Variants in KLRD1 observed in about 807,000 individuals in gnomAD.
KLRD1 encodes killer cell lectin like receptor D1.
Under a neutral mutation model 22.6 loss-of-function variants are expected in KLRD1, and 21 were observed. That is an observed-to-expected ratio of 0.93 (90% CI 0.66 to 1.34). The LOEUF (loss-of-function observed/expected upper bound fraction) is 1.34. Among genes scored for constraint, KLRD1 ranks in the 40% most tolerant of loss-of-function variants. The probability of loss-of-function intolerance (pLI) is 0.00; values close to 1 mark genes in which losing one functional copy is unlikely to be tolerated. For missense variants in KLRD1, 183 were observed against 208.6 expected, an observed-to-expected ratio of 0.88 and a Z score of 0.76; for synonymous variants, 59 against 71.1, an observed-to-expected ratio of 0.83 and a Z score of 0.85.
chr12:10,281,870 G>A (rs957079854), intron 1 of KLRD1, among the ~76,000 whole-genome samples: 1 of 152,140 alleles, frequency 6.6e-6, no homozygotes, highest in Admixed American at 6.5e-5. Context: ...CCAATTTAGA[G>A]GGAAATTGAG....
In KLRD1 at chr12:10,314,741, A is replaced by T; in HGVS notation, c.488A>T (p.Asp163Val). Residue 163 changes from aspartate (D) to valine (V), a missense_variant, in exon 6 of 6, where the codon GAT (aspartate) becomes GTT (valine). By Grantham distance (152) the Asp-to-Val change is radical. Transcript: ENST00000336164. ...IAYNPNGNAL[D>V]ESCEDKNRYI... Reference sequence around the variant, plus strand: ...TATAATCCAAATGGAAATGCTTTAGATGAATCCTGTGAAGATAAAAATCGT... The same window carrying T: ...TATAATCCAAATGGAAATGCTTTAGTTGAATCCTGTGAAGATAAAAATCGT... 6.2e-7 allele frequency: 1 copy of T among 1,604,248 alleles called. No homozygotes were observed. The highest frequency in any genetic ancestry group is 8.5e-7 in the Non-Finnish European group (1 of 1,175,288).
At chr12:10,241,357 G>C (rs1346513406) in intron 1 of KLRD1, among the ~76,000 whole-genome samples, 1 of 152,062 alleles carries the variant, frequency 6.6e-6, no homozygotes, top group African/African-American at 2.4e-5. Flanking sequence ...GGAGGGGAGC[G>C]ATTTTTTACT....
intron 1 of KLRD1, among the ~76,000 whole-genome samples, chr12:10,264,552 C>G (rs1023772208): frequency 1.3e-5 from 2 of 151,944 alleles, no homozygotes; most frequent in Non-Finnish European, 2.9e-5. Flanking sequence ...TATTTTCCAG[C>G]TTTATTTAAG....
chr12:10,316,615 C>G lies in KLRD1; in HGVS notation c.*1822C>G, dbSNP rs564790927. 6.6e-6 allele frequency: 1 copy of G among 152,212 alleles called. No individual in the cohort carries two copies. The highest frequency in any genetic ancestry group is 2.1e-4 in the South Asian group (1 of 4,812). 9.4% of individuals were successfully genotyped at this position (152,212 alleles called of 1,614,324 possible). A position where few individuals can be genotyped will look rare whatever the true frequency, so the allele number is the denominator to read the frequency against. ...ATGGGGTTTTGTATTGTTGCCCAGGCTGATCTTGAACTCCTGGGGTCAAGG... is the reference window on the plus strand; with the variant it reads ...ATGGGGTTTTGTATTGTTGCCCAGGGTGATCTTGAACTCCTGGGGTCAAGG... On this transcript the variant is annotated 3_prime_UTR_variant, in exon 6 of 6. Transcript: ENST00000336164.
At chr12:10,242,539 G>A (rs1044825398) in intron 1 of KLRD1, among the ~76,000 whole-genome samples, 2 of 152,108 alleles carry the variant, frequency 1.3e-5, no homozygotes, top group Non-Finnish European at 2.9e-5. Flanking sequence ...ATTTCAATTC[G>A]TTTGGATGTA....
rs775456150 is a variant in KLRD1, at chr12:10,256,758, A to T, written c.-101+30525A>T. Reference sequence around the variant, plus strand: ...CACCAAAATCTTAATGATGTTGGGCATTATATTTCGCTGATGCATTTATCT... The same window carrying T: ...CACCAAAATCTTAATGATGTTGGGCTTTATATTTCGCTGATGCATTTATCT... On this transcript the variant is annotated intron_variant, in intron 1 of 5. Coordinates refer to the KLRD1 transcript ENST00000544747. Among the ~76,000 whole-genome samples the T allele has an allele frequency of 7.2e-5, 11 of 152,146 alleles. No individual in the cohort carries two copies. The Middle Eastern group carries it at 0.01, about 141-fold the overall frequency.
upstream of KLRD1, among the ~76,000 whole-genome samples, chr12:10,304,013 T>C (rs11053735): frequency 0.021 from 3,180 of 152,318 alleles, 60 homozygotes; most frequent in Admixed American, 0.039. Flanking sequence ...TATTTCTCAT[T>C]ATCTATGTGG....
chr12:10,325,181 C>T lies in KLRD1; in HGVS notation c.*10388C>T, dbSNP rs1373833323. On this transcript the variant is annotated 3_prime_UTR_variant, in exon 6 of 6. Transcript: ENST00000336164. ...CTTTACTAGGTTGAGAAAGTTCCCT[C>T]CTATTCCTAGTCTGATGAGAATTTT... is the stretch of plus-strand genomic sequence containing the variant. 1 of 152,006 alleles carries T rather than the reference C, an allele frequency of 6.6e-6. No individual in the cohort carries two copies. The highest frequency in any genetic ancestry group is 1.9e-4 in the East Asian group (1 of 5,184). 9.4% of individuals were successfully genotyped at this position (152,006 alleles called of 1,614,324 possible).
intron 1 of KLRD1, among the ~76,000 whole-genome samples, chr12:10,284,297 A>G (rs1949678972): frequency 2.0e-5 from 3 of 152,098 alleles, no homozygotes; most frequent in Non-Finnish European, 2.9e-5. Flanking sequence ...TTACTATAAC[A>G]TGTGTGTAAA....
intron 1 of KLRD1, among the ~76,000 whole-genome samples, chr12:10,258,287 T>C (rs1221285496): frequency 1.3e-5 from 2 of 152,176 alleles, no homozygotes; most frequent in Non-Finnish European, 2.9e-5. Flanking sequence ...AGTGGCACCA[T>C]GCACTATCCC....
At chr12:10,267,418 TA>T (rs960457726) in intron 1 of KLRD1, among the ~76,000 whole-genome samples, 48 of 152,216 alleles carry the variant, frequency 3.2e-4, no homozygotes, top group Admixed American at 1.5e-3. Context: ...GTTTATTTAA[TA>T]AAAAAATTTC....
chr12:10,273,532 T>C (rs752000803), intron 1 of KLRD1, among the ~76,000 whole-genome samples: 1 of 152,226 alleles, frequency 6.6e-6, no homozygotes, highest in Non-Finnish European at 1.5e-5. Flanking sequence ...TATAGTCTAA[T>C]GTATGCTCTG....
chr12:10,262,251 CA>C (rs1326555568), intron 1 of KLRD1, among the ~76,000 whole-genome samples: 1 of 151,940 alleles, frequency 6.6e-6, no homozygotes, highest in African/African-American at 2.4e-5. Flanking sequence ...GACTGGAGCT[CA>C]ATGCTTCAGA....
At chr12:10,270,140 AAACC>A (rs1949536655) in intron 1 of KLRD1, among the ~76,000 whole-genome samples, 2 of 152,206 alleles carry the variant, frequency 1.3e-5, no homozygotes, top group African/African-American at 4.8e-5. Flanking sequence ...CGTTTCTATC[AAACC>A]ACTCAGCTAT....
intron 1 of KLRD1, among the ~76,000 whole-genome samples, chr12:10,280,541 G>C (rs567831586): frequency 1.3e-5 from 2 of 152,094 alleles, no homozygotes; most frequent in East Asian, 3.8e-4. Context: ...GTGCTCCATC[G>C]TTGAGTATCA....
intron 1 of KLRD1, among the ~76,000 whole-genome samples, chr12:10,247,967 T>C (rs895516119): frequency 6.6e-6 from 1 of 152,198 alleles, no homozygotes; most frequent in Non-Finnish European, 1.5e-5. Context: ...TACGGACTAA[T>C]ACATATTGTT....
rs1416669553 is a variant in KLRD1, at chr12:10,309,481, G to T, written c.100+1G>T. 1.2e-5 allele frequency: 17 copies of T among 1,462,642 alleles called. No homozygotes were observed. Among genetic ancestry groups the T allele is most frequent in the African/African-American group, 9.7e-5 (7 of 72,226 alleles). The allele number at this position is 1,462,642 out of a possible 1,614,324, so 90.6% of individuals were successfully genotyped here. A position where few individuals can be genotyped will look rare whatever the true frequency, so the allele number is the denominator to read the frequency against. On this transcript the variant is annotated splice_donor_variant, in intron 2 of 5. Transcript: ENST00000336164. LOFTEE classifies it high-confidence loss of function. Reference sequence around the variant, plus strand: ...ACGTTGGGAATTTTGTTGAAAAATTGTAAGTTTTTCTAAGCAAGTCTCCAT... The same window carrying T: ...ACGTTGGGAATTTTGTTGAAAAATTTTAAGTTTTTCTAAGCAAGTCTCCAT...
chr12:10,307,137 C>G (rs917976015), upstream of KLRD1, among the ~76,000 whole-genome samples: 25 of 152,022 alleles, frequency 1.6e-4, no homozygotes, highest in African/African-American at 5.8e-4. Context: ...CAAGGTTACT[C>G]TTCTGTAGAT....
chr12:10,288,174 T>G (rs1592061453), intron 1 of KLRD1, among the ~76,000 whole-genome samples: 3 of 138,128 alleles, frequency 2.2e-5, no homozygotes, highest in South Asian at 2.3e-4. Flanking sequence ...ACCCAGGAGG[T>G]GGAGGTTACA....
Sources: allele counts gnomAD v4.1 joint callset (sites outside exome capture counted in the v4.1 genomes callset), GRCh38; gene constraint gnomAD v4.1.1; transcripts MANE v1.5; gene names NCBI Gene and HGNC (gene_info 2026-07-23, HGNC 2026-07-21).